Variants in LYRM7 observed in about 807,000 individuals in gnomAD.
LYRM7 encodes complex III assembly factor LYRM7.
In LYRM7, 9 loss-of-function variants were observed where a neutral mutation model predicts 15.8. The observed-to-expected ratio is 0.57, with a 90% CI of 0.34 to 0.99. LYRM7 has a LOEUF of 0.99. LYRM7 is among the 50% of genes least tolerant of loss of function. The probability of loss-of-function intolerance (pLI) is 0.02; values close to 1 mark genes in which losing one functional copy is unlikely to be tolerated. For missense variants in LYRM7, 115 were observed against 119.1 expected, an observed-to-expected ratio of 0.97 and a Z score of 0.16; for synonymous variants, 39 against 39.4, an observed-to-expected ratio of 0.99 and a Z score of 0.04.
intron 4 of LYRM7, among the ~76,000 whole-genome samples, chr5:131,194,908 A>T (rs1050047300): frequency 6.6e-6 from 1 of 152,166 alleles, no homozygotes; most frequent in Non-Finnish European, 1.5e-5. Context: ...TGCTTCTGTG[A>T]CTAGTAACAA....
intron 4 of LYRM7, among the ~76,000 whole-genome samples, chr5:131,193,576 C>G (rs1386583473): frequency 3.9e-5 from 6 of 152,082 alleles, no homozygotes; most frequent in Admixed American, 1.3e-4. Context: ...ATTTTAATGT[C>G]CTTTAAATTA....
Position 131,204,933 on chromosome 5 carries a change from C to T in LYRM7, c.*5332C>T, listed in dbSNP as rs981404231. On this transcript the variant is annotated 3_prime_UTR_variant, in exon 5 of 5. Coordinates refer to ENST00000379380, the MANE Select transcript of LYRM7 (RefSeq NM_181705.4). ...AACTTTTATTCTATTTACTCCTGCA[C>T]GTTTAAATATTGTTTACAGTGAGTA... 9.2e-5 allele frequency: 14 copies of T among 151,974 alleles called. No homozygotes were observed. The highest frequency in any genetic ancestry group is 2.6e-4 in the Admixed American group (4 of 15,254). 9.4% of individuals were successfully genotyped at this position (151,974 alleles called of 1,614,324 possible).
At chr5:131,187,356 TACA>T (rs1196488831) in intron 4 of LYRM7, among the ~76,000 whole-genome samples, 3 of 152,340 alleles carry the variant, frequency 2.0e-5, no homozygotes, top group Middle Eastern at 3.4e-3. Flanking sequence ...ATGAAGACAG[TACA>T]ACTATATATT....
chr5:131,175,719 G>T (rs1448452642), intron 1 of LYRM7, among the ~76,000 whole-genome samples: 1 of 150,234 alleles, frequency 6.7e-6, no homozygotes, highest in Non-Finnish European at 1.5e-5. Context: ...ATTTTTTGTA[G>T]ATACAGGGTT....
At chr5:131,195,730 C>A (rs918970340) in intron 4 of LYRM7, among the ~76,000 whole-genome samples, 1 of 152,130 alleles carries the variant, frequency 6.6e-6, no homozygotes. Flanking sequence ...TGACTGGAAA[C>A]CAATTTGAAG....
At position 131,190,906 on chromosome 5, in the gene LYRM7, A is replaced by G. The variant is rs1382554507; in HGVS notation, c.244+3797A>G. Among the ~76,000 whole-genome samples, 4 of 152,234 alleles carry G rather than the reference A, an allele frequency of 2.6e-5. No homozygotes were observed. The South Asian group carries it at 8.3e-4, about 32-fold the overall frequency. On this transcript the variant is annotated intron_variant, in intron 4 of 4. Coordinates refer to ENST00000379380, the MANE Select transcript of LYRM7 (RefSeq NM_181705.4). ...AGAGTTTCTGTGTAGTATAGCCAAC[A>G]TTTTATACAGGTAATCACAGATATA...
At chr5:131,190,796 A>G (rs1405981303) in intron 4 of LYRM7, among the ~76,000 whole-genome samples, 1 of 152,036 alleles carries the variant, frequency 6.6e-6, no homozygotes, top group Non-Finnish European at 1.5e-5. Context: ...TGGCTGATCT[A>G]AGTTATGTTT....
intron 3 of LYRM7, among the ~76,000 whole-genome samples, chr5:131,185,150 G>A (rs1442367842): frequency 1.3e-5 from 2 of 151,140 alleles, no homozygotes; most frequent in Non-Finnish European, 1.5e-5. Flanking sequence ...TTTAAAAACA[G>A]AATAAACCTT....
chr5:131,177,680 G>C (rs879458242), intron 1 of LYRM7, among the ~76,000 whole-genome samples: 10 of 152,246 alleles, frequency 6.6e-5, no homozygotes, highest in Non-Finnish European at 1.2e-4. Flanking sequence ...ATCATGCTGT[G>C]CTGTGTTATG....
intron 2 of LYRM7, among the ~76,000 whole-genome samples, chr5:131,181,375 A>ATG (rs1561544356): frequency 1.0e-4 from 9 of 87,758 alleles, no homozygotes; most frequent in Non-Finnish European, 1.8e-4. Context: ...ATATATATGT[A>ATG]TATATAATAT....
intron 4 of LYRM7, among the ~76,000 whole-genome samples, chr5:131,196,739 C>T (rs1755971222): frequency 6.6e-6 from 1 of 151,886 alleles, no homozygotes; most frequent in South Asian, 2.1e-4. Flanking sequence ...ACGATCTCGG[C>T]TCACTGCAAC....
rs1756041155 is a variant in LYRM7, at chr5:131,200,362, T to A, written c.*761T>A. On this transcript the variant is annotated 3_prime_UTR_variant, in exon 5 of 5. Coordinates refer to ENST00000379380, the MANE Select transcript of LYRM7 (RefSeq NM_181705.4). The stretch of plus-strand genomic sequence containing the variant: ...GTGTGAAATGTAATCGGTGGCTACA[T>A]TCTCATCGTTTTAATTAATGAAACT... The A allele has an allele frequency of 6.6e-6, 1 of 152,332 alleles. No individual in the cohort carries two copies. 9.4% of individuals were successfully genotyped at this position (152,332 alleles called of 1,614,324 possible).
intron 1 of LYRM7, among the ~76,000 whole-genome samples, chr5:131,177,159 G>T (rs10070480): frequency 6.6e-6 from 1 of 151,814 alleles, no homozygotes; most frequent in Non-Finnish European, 1.5e-5. Context: ...CTAGATATCT[G>T]TTCCCAAATT....
intron 3 of LYRM7, among the ~76,000 whole-genome samples, chr5:131,184,813 T>A (rs1430312747): frequency 6.6e-6 from 1 of 152,102 alleles, no homozygotes; most frequent in African/African-American, 2.4e-5. Flanking sequence ...TCTGCCCTGC[T>A]AAGCCCCTTC....
At chr5:131,174,768 CAGA>C (rs1472696848) in intron 1 of LYRM7, among the ~76,000 whole-genome samples, 1 of 152,034 alleles carries the variant, frequency 6.6e-6, no homozygotes, top group Non-Finnish European at 1.5e-5. Flanking sequence ...CGCTTGAGCC[CAGA>C]AGATCGAGAC....
intron 3 of LYRM7, among the ~76,000 whole-genome samples, chr5:131,184,495 C>T (rs1036695746): frequency 1.3e-5 from 2 of 152,092 alleles, no homozygotes; most frequent in Middle Eastern, 3.2e-3. Context: ...GCATAAGCCA[C>T]GTAATTGTGA....
chr5:131,197,055 G>T (rs1207924017), intron 4 of LYRM7, among the ~76,000 whole-genome samples: 1 of 152,152 alleles, frequency 6.6e-6, no homozygotes, highest in Non-Finnish European at 1.5e-5. Context: ...ATACTCTAAA[G>T]TGATATGGGT....
At chr5:131,174,638 G>A (rs999175624) in intron 1 of LYRM7, among the ~76,000 whole-genome samples, 16 of 152,112 alleles carry the variant, frequency 1.1e-4, no homozygotes, top group African/African-American at 3.9e-4. Context: ...CTTGAGTCAG[G>A]AGTTCAAGAC....
At chr5:131,171,963 A>G (rs1755529876) in intron 1 of LYRM7, among the ~76,000 whole-genome samples, 1 of 152,256 alleles carries the variant, frequency 6.6e-6, no homozygotes, top group South Asian at 2.1e-4. Flanking sequence ...TATATTGTCT[A>G]AGCATAGTGG....
Sources: allele counts gnomAD v4.1 joint callset (sites outside exome capture counted in the v4.1 genomes callset), GRCh38; gene constraint gnomAD v4.1.1; transcripts MANE v1.5; gene names NCBI Gene and HGNC (gene_info 2026-07-23, HGNC 2026-07-21).